The following DMD variants were observed in gnomAD, a reference collection of about 807,000 sequenced individuals.
DMD encodes the protein dystrophin.
A neutral mutation model predicts 330.1 loss-of-function variants in DMD; 63 were observed. That is an observed-to-expected ratio of 0.19 (90% CI 0.16 to 0.24). The LOEUF (loss-of-function observed/expected upper bound fraction) is 0.24. Ranked by LOEUF, DMD falls within the 10% of genes least tolerant of loss-of-function variation. DMD has a pLI of 1.00. For missense variants in DMD, 3,344 were observed against 2,684.1 expected (o/e 1.25, Z -5.43); for synonymous variants, 1,223 against 959.8 (o/e 1.27, Z -5.07).
rs763681618 is a variant in DMD at position 31,539,830 on chromosome X, A to G, written c.8218-32377T>C. ...CTATTAACATTGGTCATGGTGCTAG[A>G]TACTGAGAATCCACCAGTAAACAGG... On this transcript the variant is annotated intron_variant, in intron 55 of 78. Coordinates refer to ENST00000357033, the MANE Select transcript of DMD (RefSeq NM_004006.3). Among the ~76,000 whole-genome samples, 6 of 112,305 alleles carry G rather than the reference A, an allele frequency of 5.3e-5. No homozygotes were observed. The East Asian group carries it at 1.7e-3, about 31-fold the overall frequency.
chrX:32,115,900 C>T (rs1486348711), intron 44 of DMD, among the ~76,000 whole-genome samples: 1 of 111,854 alleles, frequency 8.9e-6, no homozygotes, highest in East Asian at 2.8e-4. Flanking sequence ...TGCTATCTCC[C>T]TGTATTCACT....
At chrX:32,707,574 G>C (rs1175856354) in intron 7 of DMD, among the ~76,000 whole-genome samples, 3 of 111,682 alleles carry the variant, frequency 2.7e-5, no homozygotes, top group Non-Finnish European at 5.6e-5. Flanking sequence ...CTAATCAACA[G>C]GAAAAGTTCT....
chrX:32,784,602 A>G (rs749821620), intron 7 of DMD, among the ~76,000 whole-genome samples: 21 of 111,884 alleles, frequency 1.9e-4, no homozygotes, highest in Non-Finnish European at 3.8e-4. Flanking sequence ...GGAACTATAG[A>G]AAAAGTTAGG....
intron 1 of DMD, among the ~76,000 whole-genome samples, chrX:33,125,288 G>C (rs775251703): frequency 2.7e-5 from 3 of 110,900 alleles, no homozygotes; most frequent in Non-Finnish European, 5.7e-5. Context: ...TGTCATCAAA[G>C]CTCTGATTAT....
chrX:31,883,898 G>C (rs1210434744), intron 47 of DMD, among the ~76,000 whole-genome samples: 1 of 107,495 alleles, frequency 9.3e-6, no homozygotes, highest in Non-Finnish European at 1.9e-5. Flanking sequence ...AAAAAAAAAT[G>C]ATCAACCTCA....
intron 60 of DMD, among the ~76,000 whole-genome samples, chrX:31,372,056 C>T (rs751136610): frequency 8.0e-4 from 89 of 111,735 alleles, no homozygotes; most frequent in Non-Finnish European, 1.4e-3. Context: ...TCTCATCTGG[C>T]ATATATTAGC....
At chrX:32,641,972 AATTT>A (rs1404272723) in intron 11 of DMD, among the ~76,000 whole-genome samples, 1 of 111,858 alleles carries the variant, frequency 8.9e-6, no homozygotes, top group Non-Finnish European at 1.9e-5. Context: ...AACAGGTTAT[AATTT>A]ATTTGAAGCA....
At chrX:32,803,489 T>G (rs1445666107) in intron 7 of DMD, among the ~76,000 whole-genome samples, 2 of 110,662 alleles carry the variant, frequency 1.8e-5, no homozygotes, top group African/African-American at 6.6e-5. Flanking sequence ...TAGTTATTTG[T>G]CTTCTGATAG....
chrX:31,909,394 A>C (rs1258296222), intron 47 of DMD, among the ~76,000 whole-genome samples: 4 of 110,684 alleles, frequency 3.6e-5, no homozygotes, highest in African/African-American at 1.3e-4. Flanking sequence ...TAAAGAGATG[A>C]TTTTCATCAA....
At chrX:31,661,727 A>ATGTG (rs373190781) in intron 53 of DMD, among the ~76,000 whole-genome samples, 2 of 109,319 alleles carry the variant, frequency 1.8e-5, no homozygotes, top group Non-Finnish European at 3.8e-5. Context: ...GTGTGTGTGT[A>ATGTG]TGTGTGTGTG....
Position 32,365,103 on chromosome X carries a change from A to C in DMD, c.4942T>G (p.Leu1648Val), listed in dbSNP as rs138472027. ...LKTVLGKKET[L>V]VEDKLSLLNS... is the part of the protein sequence containing the mutation. ...AGAAGACTGAGTTTATCTTCCACCA[A>C]CGTCTCCTTCTTGCCCAAAACTGTT... is the stretch of plus-strand genomic sequence containing the variant. The change falls in exon 35 of 79, where the codon TTG becomes GTG. Residue 1648 changes from leucine (L) to valine (V), a missense_variant. Leu to Val is a conservative substitution (Grantham distance 32, BLOSUM62 1). Transcript: ENST00000357033. 6.6e-6 allele frequency: 8 copies of C among 1,208,185 alleles called. No individual in the cohort carries two copies. The highest frequency in any genetic ancestry group is 2.3e-4 in the Middle Eastern group (1 of 4,369).
chrX:31,834,929 G>C (rs1475693725), intron 49 of DMD, among the ~76,000 whole-genome samples: 1 of 111,462 alleles, frequency 9.0e-6, no homozygotes, highest in Non-Finnish European at 1.9e-5. Flanking sequence ...GGTTGTGAAA[G>C]AGAAGGAAAG....
At chrX:33,088,701 A>C (rs2095043539) in intron 1 of DMD, among the ~76,000 whole-genome samples, 1 of 112,179 alleles carries the variant, frequency 8.9e-6, no homozygotes, top group African/African-American at 3.2e-5. Context: ...AAGAATAAAT[A>C]TTAATTACCA....
intron 2 of DMD, among the ~76,000 whole-genome samples, chrX:32,984,960 A>C (rs1279324536): frequency 8.9e-6 from 1 of 111,958 alleles, no homozygotes; most frequent in Non-Finnish European, 1.9e-5. Context: ...ATTGTCACTT[A>C]ATTTTCAACC....
intron 2 of DMD, among the ~76,000 whole-genome samples, chrX:32,959,572 T>G (rs990961541): frequency 3.6e-5 from 4 of 111,316 alleles, no homozygotes; most frequent in Non-Finnish European, 7.5e-5. Context: ...TGTTTATAAT[T>G]TTTTGCCTTC....
At chrX:33,280,735 A>C (rs2053316985) in intron 1 of DMD, among the ~76,000 whole-genome samples, 1 of 111,831 alleles carries the variant, frequency 8.9e-6, no homozygotes, top group Non-Finnish European at 1.9e-5. Flanking sequence ...AAAATAAATA[A>C]ATTGGGCATA....
chrX:32,665,908 A>T (rs1239407703), intron 9 of DMD, among the ~76,000 whole-genome samples: 6 of 111,714 alleles, frequency 5.4e-5, no homozygotes, highest in Non-Finnish European at 9.4e-5. Flanking sequence ...ATCATTCTGG[A>T]TGCAGTGTGG....
At chrX:32,775,104 A>G (rs1054457908) in intron 7 of DMD, among the ~76,000 whole-genome samples, 1 of 112,434 alleles carries the variant, frequency 8.9e-6, no homozygotes, top group African/African-American at 3.2e-5. Flanking sequence ...AAGCTCCCAA[A>G]TCTGCCTTGA....
At chrX:32,773,850 AC>A (rs1438128487) in intron 7 of DMD, among the ~76,000 whole-genome samples, 1 of 111,141 alleles carries the variant, frequency 9.0e-6, no homozygotes, top group Non-Finnish European at 1.9e-5. Context: ...TATTCCTACA[AC>A]CTATCCATAT....
Sources: allele counts gnomAD v4.1 joint callset (sites outside exome capture counted in the v4.1 genomes callset), GRCh38; gene constraint gnomAD v4.1.1; transcripts MANE v1.5; gene names NCBI Gene and HGNC (gene_info 2026-07-23, HGNC 2026-07-21).